Variants in WWP1 observed in about 807,000 individuals in gnomAD.
The protein encoded by WWP1 is WW domain containing E3 ubiquitin protein ligase 1.
WWP1 carries 49 observed loss-of-function variants against 130.6 expected under a neutral mutation model. The ratio of observed to expected loss-of-function variants is 0.38; its 90% CI spans 0.30 to 0.48. The LOEUF is 0.48. Among genes scored for constraint, WWP1 ranks in the 20% least tolerant of loss-of-function variants. WWP1 has a pLI of 0.99. For synonymous variants in WWP1, 332 were observed against 367.8 expected, an observed-to-expected ratio of 0.90 and a Z score of 1.11; for missense variants, 809 against 1,100.6, an observed-to-expected ratio of 0.74 and a Z score of 3.75.
chr8:86,347,732 GAATTT>G (rs947992964), intron 1 of WWP1, among the ~76,000 whole-genome samples: 1 of 152,132 alleles, frequency 6.6e-6, no homozygotes, highest in African/African-American at 2.4e-5. Flanking sequence ...TGAAAATTTT[GAATTT>G]AATTCTGTTG....
At chr8:86,461,398 T>A in intron 23 of WWP1, 78 bp downstream of exon 23, 1 of 1,242,570 alleles carries the variant, frequency 8.0e-7, no homozygotes, top group Admixed American at 1.8e-5. Context: ...ATAGACTTGA[T>A]TGAACCTAAA....
rs1164821650 is a variant in WWP1, at chr8:86,432,754, C to T, written c.1601+1011C>T. On this transcript the variant is annotated intron_variant, in intron 14 of 24. Coordinates refer to ENST00000517970, the MANE Select transcript of WWP1 (RefSeq NM_007013.4). ...CCCTGAGTAGCTGGGATTACAGGCA[C>T]CCGCCACCACACCCAGCTAATTTTT... is the stretch of plus-strand genomic sequence containing the variant. Among the ~76,000 whole-genome samples the T allele has an allele frequency of 7.9e-5, 12 of 152,078 alleles. No homozygotes were observed. The East Asian group carries it at 2.1e-3, about 27-fold the overall frequency.
chr8:86,434,955 G>A (rs1810208267), intron 14 of WWP1, among the ~76,000 whole-genome samples: 1 of 152,178 alleles, frequency 6.6e-6, no homozygotes, highest in Non-Finnish European at 1.5e-5. Context: ...CCTAGGTGCC[G>A]TGCCACCAAC....
intron 8 of WWP1, among the ~76,000 whole-genome samples, chr8:86,404,733 AGGT>A (rs751744022): frequency 9.8e-5 from 15 of 152,340 alleles, no homozygotes; most frequent in Non-Finnish European, 2.1e-4. Context: ...TCCTTGAAAT[AGGT>A]GGTAGTATTT....
At position 86,441,253 on chromosome 8, in the gene WWP1, G is replaced by T. The variant is rs114743788; in HGVS notation, c.1839-1366G>T. ...GACCTGCTCCATCCTCTTACCTGGG[G>T]TATGTCTTACTTCAGCCTCATCATA... On this transcript the variant is annotated intron_variant, in intron 17 of 24. Coordinates refer to ENST00000517970, the MANE Select transcript of WWP1 (RefSeq NM_007013.4). 9.9e-3 allele frequency among the ~76,000 whole-genome samples: 1,502 copies of T among 152,224 alleles called. 28 individuals carry two copies. The highest frequency in any genetic ancestry group is 0.034 in the African/African-American group (1,432 of 41,528).
At chr8:86,462,325 T>G (rs1482243316) in intron 24 of WWP1, among the ~76,000 whole-genome samples, 1 of 151,898 alleles carries the variant, frequency 6.6e-6, no homozygotes, top group African/African-American at 2.4e-5. Context: ...GATGTGGGAG[T>G]ACGCAGAGAA....
In WWP1 at chr8:86,426,883, G is replaced by A. The variant is rs190070693; in HGVS notation, c.1158-760G>A. 5.0e-4 allele frequency among the ~76,000 whole-genome samples: 76 copies of A among 152,352 alleles called. 1 individual carries two copies. Among genetic ancestry groups the A allele is most frequent in the Admixed American group, 3.0e-3 (46 of 15,304 alleles). ...TATCAAAGAAAGAAGGAGAGGCCGG[G>A]CATGGTGGCTCATGCCTGTAATCCC... On this transcript the variant is annotated intron_variant, in intron 10 of 24. Coordinates refer to ENST00000517970, the MANE Select transcript of WWP1 (RefSeq NM_007013.4).
intron 18 of WWP1, among the ~76,000 whole-genome samples, chr8:86,447,456 C>T (rs1810945953): frequency 1.3e-5 from 2 of 152,024 alleles, no homozygotes; most frequent in African/African-American, 2.4e-5. Flanking sequence ...TTAGTAAGGA[C>T]GGGGTTTCAC....
chr8:86,367,597 G>T (rs182095128), intron 1 of WWP1, among the ~76,000 whole-genome samples: 1 of 152,166 alleles, frequency 6.6e-6, no homozygotes, highest in African/African-American at 2.4e-5. Flanking sequence ...AATTCTGTGG[G>T]ATTTTCAAAG....
chr8:86,417,445 C>G (rs920967764), intron 9 of WWP1, among the ~76,000 whole-genome samples: 1 of 151,920 alleles, frequency 6.6e-6, no homozygotes, highest in Non-Finnish European at 1.5e-5. Flanking sequence ...ATAAGATAAC[C>G]GAAAGCAGTT....
chr8:86,420,264 AAT>A (rs1397752622), intron 9 of WWP1, among the ~76,000 whole-genome samples: 1 of 152,214 alleles, frequency 6.6e-6, no homozygotes, highest in Non-Finnish European at 1.5e-5. Context: ...TAGAACAGCT[AAT>A]GAGCTTGAAC....
At chr8:86,430,999 ATATAT>A (rs1028184201) in intron 12 of WWP1, among the ~76,000 whole-genome samples, 86 of 138,878 alleles carry the variant, frequency 6.2e-4, no homozygotes, top group African/African-American at 1.3e-3. Context: ...TCCATATTAA[ATATAT>A]TATATATTAT....
At position 86,430,798 on chromosome 8, in the gene WWP1, CATATATATATATATATAT is replaced by C. The variant is rs36226595; in HGVS notation, c.1387+64_1387+81del. The stretch of plus-strand genomic sequence containing the variant: ...TCTATAAGGGAGATATATATCTCTC[CATATATATATATATATAT>C]ATATATATATATATATGTTCCTTAT... On this transcript the variant is annotated intron_variant, in intron 12 of 24. Coordinates refer to ENST00000517970, the MANE Select transcript of WWP1 (RefSeq NM_007013.4). 9.4e-5 allele frequency: 19 copies of C among 202,392 alleles called. 2 individuals carry two copies. The highest frequency in any genetic ancestry group is 2.1e-3 in the Middle Eastern group (1 of 486). 12.5% of individuals were successfully genotyped at this position (202,392 alleles called of 1,614,324 possible).
chr8:86,408,228 C>T (rs1462401920), intron 8 of WWP1, among the ~76,000 whole-genome samples: 1 of 152,112 alleles, frequency 6.6e-6, no homozygotes, highest in African/African-American at 2.4e-5. Flanking sequence ...CTTGACTTCT[C>T]ATTTCTTTTT....
At chr8:86,466,418 A>T (rs1812139008) in intron 24 of WWP1, among the ~76,000 whole-genome samples, 1 of 152,196 alleles carries the variant, frequency 6.6e-6, no homozygotes, top group African/African-American at 2.4e-5. Flanking sequence ...TTATATAAAA[A>T]ATTCTCGGTA....
chr8:86,453,738 T>C (rs1416609059), intron 21 of WWP1, among the ~76,000 whole-genome samples: 2 of 152,194 alleles, frequency 1.3e-5, no homozygotes, highest in East Asian at 1.9e-4. Context: ...CTTGTTTTTT[T>C]AATAGTATCC....
At chr8:86,352,531 A>AT (rs1222384423) in intron 1 of WWP1, among the ~76,000 whole-genome samples, 4 of 151,738 alleles carry the variant, frequency 2.6e-5, no homozygotes, top group African/African-American at 4.8e-5. Context: ...GCCCTGCCTA[A>AT]TTTTTTATTT....
intron 1 of WWP1, among the ~76,000 whole-genome samples, chr8:86,356,981 TA>T (rs1823297587): frequency 6.6e-6 from 1 of 152,144 alleles, no homozygotes; most frequent in Admixed American, 6.5e-5. Flanking sequence ...TTACTGTAAA[TA>T]GGGGTGGAGA....
chr8:86,415,166 T>C (rs1196916463), intron 9 of WWP1, among the ~76,000 whole-genome samples: 1 of 152,178 alleles, frequency 6.6e-6, no homozygotes, highest in Non-Finnish European at 1.5e-5. Context: ...TGTGCTCTTT[T>C]ATGTATTCTC....
Sources: gnomAD v4.1 joint callset for allele counts (sites outside exome capture counted in the v4.1 genomes callset) on GRCh38, gnomAD v4.1.1 for gene constraint, MANE v1.5 for transcripts, NCBI Gene and HGNC (gene_info 2026-07-23, HGNC 2026-07-21) for gene names.